The following MANEA variants were observed in gnomAD, a reference collection of about 807,000 sequenced individuals.
MANEA encodes the protein mannosidase endo-alpha.
A neutral mutation model predicts 36.8 loss-of-function variants in MANEA; 25 were observed. The ratio of observed to expected loss-of-function variants is 0.68; its 90% confidence interval spans 0.50 to 0.95. MANEA has a LOEUF of 0.95. Ranked by LOEUF, MANEA falls within the 40% of genes least tolerant of loss-of-function variation. MANEA has a pLI of 0.00. For missense variants in MANEA, 565 were observed against 558.8 expected (o/e 1.01, Z -0.11); for synonymous variants, 198 against 188.5 (o/e 1.05, Z -0.41).
chr6:95,596,830 A>T lies in MANEA; in HGVS notation c.638A>T (p.His213Leu). Reference sequence around the variant, plus strand: ...GTACCCACTATTTTGGATAAAGCTCATAAATATAACCTAAAGGTATTTTAT... The same window carrying T: ...GTACCCACTATTTTGGATAAAGCTCTTAAATATAACCTAAAGGTATTTTAT... ...NLVPTILDKA[H>L]KYNLKVTFHI... The change falls in exon 3 of 5, where the codon CAT (histidine) becomes CTT (leucine). Residue 213 changes from histidine (H) to leucine (L), a missense_variant. Physicochemically the swap from His to Leu is moderately conservative, Grantham distance 99. Transcript: ENST00000358812. 1 of 1,536,990 alleles carries T rather than the reference A, an allele frequency of 6.5e-7. No individual in the cohort carries two copies. The highest frequency in any genetic ancestry group is 9.0e-7 in the Non-Finnish European group (1 of 1,110,270).
chr6:95,593,056 A>G (rs1769412964), intron 2 of MANEA, among the ~76,000 whole-genome samples: 1 of 152,220 alleles, frequency 6.6e-6, no homozygotes, highest in South Asian at 2.1e-4. Flanking sequence ...TTCAAAGAGC[A>G]TCCTAGAGTT....
At position 95,606,083 on chromosome 6, in the gene MANEA, T is replaced by C. The variant is rs2127946283; in HGVS notation, c.1067T>C (p.Val356Ala). Reference protein sequence around the residue: ...DKYNLIFIPSVGPGYIDTSIR... With the variant: ...DKYNLIFIPSAGPGYIDTSIR... ...TACAACTTAATATTTATCCCAAGTG[T>C]GGGCCCAGGATACATAGATACCAGC... is the stretch of plus-strand genomic sequence containing the variant. Residue 356 changes from valine (V) to alanine (A), a missense_variant, in exon 5 of 5, where the codon GTG becomes GCG. By Grantham distance (64) the Val-to-Ala change is moderately conservative. Coordinates refer to ENST00000358812, the MANE Select transcript of MANEA (RefSeq NM_024641.4). 1 of 1,613,992 alleles carries C rather than the reference T, an allele frequency of 6.2e-7. No homozygotes were observed. The highest frequency in any genetic ancestry group is 8.5e-7 in the Non-Finnish European group (1 of 1,179,906).
intron 3 of MANEA, among the ~76,000 whole-genome samples, chr6:95,603,205 A>G (rs1355445982): frequency 1.3e-5 from 2 of 152,120 alleles, no homozygotes; most frequent in African/African-American, 4.8e-5. Context: ...CTGTAAAAGC[A>G]AATTCATTTT....
At chr6:95,598,255 T>C (rs1769517259) in intron 3 of MANEA, among the ~76,000 whole-genome samples, 1 of 152,174 alleles carries the variant, frequency 6.6e-6, no homozygotes, top group Non-Finnish European at 1.5e-5. Flanking sequence ...CAAAACTTGG[T>C]AGCTTAAAAC....
At chr6:95,578,380 A>G (rs560975402) in intron 1 of MANEA, among the ~76,000 whole-genome samples, 34 of 152,274 alleles carry the variant, frequency 2.2e-4, no homozygotes, top group African/African-American at 8.2e-4. Flanking sequence ...TGGAAGTGCT[A>G]TAAAACAACA....
At chr6:95,595,989 A>G (rs755479783) in intron 2 of MANEA, among the ~76,000 whole-genome samples, 1 of 152,176 alleles carries the variant, frequency 6.6e-6, no homozygotes, top group African/African-American at 2.4e-5. Flanking sequence ...AATAAATACA[A>G]TGGCATATTA....
chr6:95,586,785 T>C lies in MANEA; in HGVS notation c.346T>C (p.Phe116Leu). The C allele has an allele frequency of 6.2e-7, 1 of 1,613,960 alleles. No individual in the cohort carries two copies. The highest frequency in any genetic ancestry group is 8.5e-7 in the Non-Finnish European group (1 of 1,179,882). The change falls in exon 2 of 5, where the codon TTT becomes CTT. Residue 116 changes from phenylalanine (F) to leucine (L), a missense_variant. Transcript: ENST00000358812. Reference protein sequence around the residue: ...FYYSWYGNPQFDGKYIHWNHP... With the variant: ...FYYSWYGNPQLDGKYIHWNHP... ...TTACAGTTGGTATGGAAATCCACAA[T>C]TTGATGGTAAATATATACATTGGAA...
At position 95,608,578 on chromosome 6, in the gene MANEA, CAA is replaced by C. The variant is rs1036023514; in HGVS notation, c.*2177_*2178del. 2.0e-5 allele frequency: 3 copies of C among 151,680 alleles called. No individual in the cohort carries two copies. Among genetic ancestry groups the C allele is most frequent in the Admixed American group, 2.0e-4 (3 of 15,234 alleles). 9.4% of individuals were successfully genotyped at this position (151,680 alleles called of 1,614,324 possible). On this transcript the variant is annotated 3_prime_UTR_variant, in exon 5 of 5. Coordinates refer to ENST00000358812, the MANE Select transcript of MANEA (RefSeq NM_024641.4). Reference sequence around the variant, plus strand: ...GATAAAGCAGATTCTGTCTTCATTGCAAAAAGTTATTCTCAATGGAAGAATGG... The same window carrying C: ...GATAAAGCAGATTCTGTCTTCATTGCAAAGTTATTCTCAATGGAAGAATGG...
intron 3 of MANEA, among the ~76,000 whole-genome samples, chr6:95,599,968 C>CA (rs1267693847): frequency 6.6e-6 from 1 of 152,178 alleles, no homozygotes; most frequent in Non-Finnish European, 1.5e-5. Flanking sequence ...TTCCACAAAA[C>CA]AAGCCCAAGA....
intron 4 of MANEA, among the ~76,000 whole-genome samples, chr6:95,605,398 T>C (rs1769684660): frequency 6.6e-6 from 1 of 152,078 alleles, no homozygotes; most frequent in Admixed American, 6.6e-5. Flanking sequence ...CAAAGAAACT[T>C]GTCAGCAACA....
At position 95,607,695 on chromosome 6, in the gene MANEA, G is replaced by A. The variant is rs182261624; in HGVS notation, c.*1290G>A. 4.0e-5 allele frequency: 6 copies of A among 151,616 alleles called. No homozygotes were observed. The highest frequency in any genetic ancestry group is 1.2e-4 in the African/African-American group (5 of 41,472). 9.4% of individuals were successfully genotyped at this position (151,616 alleles called of 1,614,324 possible). ...TGTGACAAATTGATCACTTGTGTAC[G>A]AAAAATAAATCTCCTTAAAAACTAA... On this transcript the variant is annotated 3_prime_UTR_variant, in exon 5 of 5. Coordinates refer to ENST00000358812, the MANE Select transcript of MANEA (RefSeq NM_024641.4).
intron 2 of MANEA, among the ~76,000 whole-genome samples, chr6:95,589,788 C>G (rs1769353816): frequency 6.6e-6 from 1 of 151,976 alleles, no homozygotes; most frequent in Non-Finnish European, 1.5e-5. Flanking sequence ...TCGTAATTCC[C>G]ACAATCTGTG....
chr6:95,578,499 G>C (rs1769116902), intron 1 of MANEA, among the ~76,000 whole-genome samples: 1 of 152,054 alleles, frequency 6.6e-6, no homozygotes, highest in Non-Finnish European at 1.5e-5. Context: ...AAAATATAAA[G>C]TAAAACCTAG....
chr6:95,588,738 G>GT (rs1466709815), intron 2 of MANEA, among the ~76,000 whole-genome samples: 9 of 151,324 alleles, frequency 5.9e-5, no homozygotes, highest in Admixed American at 4.6e-4. Flanking sequence ...TACAATGAGG[G>GT]TTTTTTCCCC....
chr6:95,580,631 A>G (rs1228290698), intron 1 of MANEA, among the ~76,000 whole-genome samples: 2 of 151,420 alleles, frequency 1.3e-5, no homozygotes, highest in East Asian at 1.9e-4. Flanking sequence ...AGGCTGAAGC[A>G]GGAGAATGGC....
At chr6:95,594,046 G>A (rs1314978479) in intron 2 of MANEA, among the ~76,000 whole-genome samples, 3 of 151,448 alleles carry the variant, frequency 2.0e-5, no homozygotes, top group African/African-American at 7.3e-5. Context: ...TGGCAACAGA[G>A]CAAGATTCCG....
intron 3 of MANEA, among the ~76,000 whole-genome samples, chr6:95,601,497 C>G (rs1769588949): frequency 6.6e-6 from 1 of 152,050 alleles, no homozygotes; most frequent in Admixed American, 6.6e-5. Flanking sequence ...AAGCATGCCC[C>G]TTTCTGCCTA....
rs376005566 is a variant in MANEA at position 95,608,376 on chromosome 6, T to G, written c.*1971T>G. The G allele has an allele frequency of 6.6e-6, 1 of 151,898 alleles. No homozygotes were observed. The highest frequency in any genetic ancestry group is 1.5e-5 in the Non-Finnish European group (1 of 67,788). The allele number at this position is 151,898 out of a possible 1,614,324, so 9.4% of individuals were successfully genotyped here. A position where few individuals can be genotyped will look rare whatever the true frequency, so the allele number is the denominator to read the frequency against. ...GAAAGTAAATTTTAGGAAATAGTTATGAGATTAAGGGAAAATCTATAAAAA... is the reference window on the plus strand; with the variant it reads ...GAAAGTAAATTTTAGGAAATAGTTAGGAGATTAAGGGAAAATCTATAAAAA... On this transcript the variant is annotated 3_prime_UTR_variant, in exon 5 of 5. Transcript: ENST00000358812.
chr6:95,584,954 C>T (rs1054432679), intron 1 of MANEA, among the ~76,000 whole-genome samples: 6 of 152,144 alleles, frequency 3.9e-5, no homozygotes, highest in Non-Finnish European at 7.4e-5. Context: ...TCTTTCTTTT[C>T]TATTGGAGTT....
Sources: gnomAD v4.1 joint callset for allele counts (sites outside exome capture counted in the v4.1 genomes callset) on GRCh38, gnomAD v4.1.1 for gene constraint, MANE v1.5 for transcripts, NCBI Gene and HGNC (gene_info 2026-07-23, HGNC 2026-07-21) for gene names.